Variants in TBC1D19 observed in about 807,000 individuals in gnomAD.
The protein encoded by TBC1D19 is TBC1 domain family member 19.
TBC1D19 carries 60 observed loss-of-function variants against 89.0 expected under a neutral mutation model. The ratio of observed to expected loss-of-function variants is 0.67; its 90% CI spans 0.55 to 0.84. TBC1D19 has a LOEUF of 0.84. Ranked by LOEUF, TBC1D19 falls within the 40% of genes least tolerant of loss-of-function variation. The probability of loss-of-function intolerance (pLI) is 0.00; values close to 1 mark genes in which losing one functional copy is unlikely to be tolerated. For missense variants in TBC1D19, 500 were observed against 610.8 expected, an observed-to-expected ratio of 0.82 and a Z score of 1.91; for synonymous variants, 189 against 199.7, an observed-to-expected ratio of 0.95 and a Z score of 0.45.
At chr4:26,853,350 C>T in the TBC1D19 span, among the ~76,000 whole-genome samples, 1 of 152,164 alleles carries the variant, frequency 6.6e-6, no homozygotes, top group South Asian at 2.1e-4. Context: ...AGCTCCCCAC[C>T]CACTTAGCAC....
the TBC1D19 span, among the ~76,000 whole-genome samples, chr4:26,779,650 C>A: frequency 6.6e-6 from 1 of 152,154 alleles, no homozygotes; most frequent in Non-Finnish European, 1.5e-5. Context: ...CAGGCCATAA[C>A]ACAGAGGAGC....
chr4:26,725,406 CT>C (rs1282630883), intron 15 of TBC1D19, among the ~76,000 whole-genome samples: 1 of 151,826 alleles, frequency 6.6e-6, no homozygotes, highest in Non-Finnish European at 1.5e-5. Flanking sequence ...AATGCTTTTT[CT>C]TTTTTTCTTT....
chr4:26,754,105 T>A lies in TBC1D19; in HGVS notation c.1506+215T>A, dbSNP rs546480145. Reference sequence around the variant, plus strand: ...CTTATGAAGGAGTAATAAACAAGATTATTATAGGAAACCATTATAACCATA... The same window carrying A: ...CTTATGAAGGAGTAATAAACAAGATAATTATAGGAAACCATTATAACCATA... On this transcript the variant is annotated intron_variant, in intron 20 of 20. Coordinates refer to ENST00000264866, the MANE Select transcript of TBC1D19 (RefSeq NM_018317.4). 5.2e-4 allele frequency: 261 copies of A among 502,964 alleles called. 1 individual carries two copies. Among genetic ancestry groups the A allele is most frequent in the Non-Finnish European group, 7.1e-4 (196 of 277,822 alleles). The allele number at this position is 502,964 out of a possible 1,614,324, so 31.2% of individuals were successfully genotyped here.
chr4:26,715,258 G>A (rs1290167104), intron 13 of TBC1D19, among the ~76,000 whole-genome samples: 1 of 151,960 alleles, frequency 6.6e-6, no homozygotes, highest in East Asian at 1.9e-4. Context: ...TCAGTTAAAG[G>A]TGTTCCACTC....
chr4:26,767,449 A>C, the TBC1D19 span, among the ~76,000 whole-genome samples: 1 of 152,150 alleles, frequency 6.6e-6, no homozygotes, highest in Non-Finnish European at 1.5e-5. Flanking sequence ...CATATGTTGA[A>C]GCCCTAACCT....
intron 16 of TBC1D19, among the ~76,000 whole-genome samples, chr4:26,738,962 T>C (rs2109311616): frequency 6.6e-6 from 1 of 152,330 alleles, no homozygotes; most frequent in Non-Finnish European, 1.5e-5. Flanking sequence ...CCAGAAATTC[T>C]TACTTGTCCA....
chr4:26,788,459 T>A, the TBC1D19 span, among the ~76,000 whole-genome samples: 1 of 152,202 alleles, frequency 6.6e-6, no homozygotes, highest in Non-Finnish European at 1.5e-5. Context: ...TTTAATCAGA[T>A]ACTCTTGGTT....
At position 26,659,584 on chromosome 4, in the gene TBC1D19, T is replaced by G. The variant is rs1391202172; in HGVS notation, c.481-13T>G. On this transcript the variant is annotated splice_polypyrimidine_tract_variant and intron_variant, in intron 7 of 20. Transcript: ENST00000264866. ...AAAGAAACTAACCAATTTTGTTGGA[T>G]TTGTTTTTAAAGGTATTAATTAATC... The G allele has an allele frequency of 3.2e-6, 5 of 1,543,114 alleles. No individual in the cohort carries two copies. In the African/African-American group the frequency reaches 6.8e-5, roughly 21 times the overall value.
At chr4:26,607,928 G>A (rs182723807) in intron 1 of TBC1D19, among the ~76,000 whole-genome samples, 1 of 152,320 alleles carries the variant, frequency 6.6e-6, no homozygotes, top group Admixed American at 6.5e-5. Flanking sequence ...TTAATGCAGT[G>A]GGTATGCTGT....
the TBC1D19 span, among the ~76,000 whole-genome samples, chr4:26,856,754 G>A: frequency 6.6e-6 from 1 of 152,152 alleles, no homozygotes; most frequent in East Asian, 1.9e-4. Flanking sequence ...CATTCCTGCT[G>A]CTTCAGCATC....
rs1398017685 is a variant in TBC1D19 at position 26,673,820 on chromosome 4, C to A, written c.748C>A (p.Gln250Lys). The change falls in exon 11 of 21, where the codon CAA becomes AAA. Residue 250 changes from glutamine (Q) to lysine (K), a missense_variant. By Grantham distance (53) the Gln-to-Lys change is moderately conservative. Coordinates refer to ENST00000264866, the MANE Select transcript of TBC1D19 (RefSeq NM_018317.4). ...TGCTGCTGCTCAACAGTACATCAGA[C>A]AAGGAAGTCCCACGGCACTGAGAGC... is the stretch of plus-strand genomic sequence containing the variant. ...DSAAAQQYIR[Q>K]GSPTALRAEL... is the part of the protein sequence containing the mutation. 1.9e-6 allele frequency: 3 copies of A among 1,611,096 alleles called. No individual in the cohort carries two copies. Among genetic ancestry groups the A allele is most frequent in the Admixed American group, 1.7e-5 (1 of 59,850 alleles).
At chr4:26,673,318 T>C (rs145810882) in intron 10 of TBC1D19, among the ~76,000 whole-genome samples, 4,212 of 151,420 alleles carry the variant, frequency 0.028, 76 homozygotes, top group Non-Finnish European at 0.047. Context: ...TCATGTACCA[T>C]ACATTTCCAA....
the TBC1D19 span, among the ~76,000 whole-genome samples, chr4:26,835,700 C>G: frequency 5.3e-5 from 8 of 152,266 alleles, no homozygotes; most frequent in South Asian, 1.5e-3. Flanking sequence ...AAATAGTTGC[C>G]CTGCCTCCCT....
At chr4:26,749,636 G>A (rs987866048) in intron 19 of TBC1D19, among the ~76,000 whole-genome samples, 2 of 151,816 alleles carry the variant, frequency 1.3e-5, no homozygotes, top group East Asian at 1.9e-4. Context: ...TAGTAGAGAC[G>A]GGGTTTTACC....
intron 15 of TBC1D19, among the ~76,000 whole-genome samples, chr4:26,720,443 T>C (rs1716901507): frequency 6.6e-6 from 1 of 152,122 alleles, no homozygotes; most frequent in African/African-American, 2.4e-5. Flanking sequence ...TTTGGGTTTT[T>C]TGGAGCTGGG....
chr4:26,684,982 A>G (rs1403246652), intron 12 of TBC1D19, among the ~76,000 whole-genome samples: 1 of 152,210 alleles, frequency 6.6e-6, no homozygotes, highest in Non-Finnish European at 1.5e-5. Context: ...CGCTTTGAAA[A>G]TAACAGAGCT....
the TBC1D19 span, among the ~76,000 whole-genome samples, chr4:26,813,640 C>T: frequency 2.0e-5 from 3 of 152,180 alleles, no homozygotes; most frequent in African/African-American, 7.2e-5. Context: ...GTACTGTGGG[C>T]TGACCCTGTA....
At chr4:26,810,205 A>G in the TBC1D19 span, among the ~76,000 whole-genome samples, 13 of 152,288 alleles carry the variant, frequency 8.5e-5, no homozygotes, top group African/African-American at 2.6e-4. Context: ...CTACTGATCA[A>G]TGCACCCTGT....
At chr4:26,650,174 C>T (rs1156752412) in intron 7 of TBC1D19, among the ~76,000 whole-genome samples, 7 of 151,688 alleles carry the variant, frequency 4.6e-5, no homozygotes, top group African/African-American at 1.5e-4. Context: ...AGAAAACATA[C>T]GTGTGCATGT....
Sources: allele counts gnomAD v4.1 joint callset (sites outside exome capture counted in the v4.1 genomes callset), GRCh38; gene constraint gnomAD v4.1.1; transcripts MANE v1.5; gene names NCBI Gene and HGNC (gene_info 2026-07-23, HGNC 2026-07-21).